ICE1: variants seen among roughly 807,000 people sequenced by gnomAD.
ICE1 encodes the protein little elongation complex subunit 1.
A neutral mutation model predicts 192.7 loss-of-function variants in ICE1; 64 were observed. The ratio of observed to expected loss-of-function variants is 0.33; its 90% CI spans 0.27 to 0.41. ICE1 has a LOEUF of 0.41. Ranked by LOEUF, ICE1 falls within the 10% of genes least tolerant of loss-of-function variation. The pLI, the probability that ICE1 is intolerant of heterozygous loss-of-function variation, is 1.00. For synonymous variants in ICE1, 1,010 were observed against 984.5 expected (o/e 1.03, Z -0.49); for missense variants, 2,708 against 2,696.0 (o/e 1.00, Z -0.10).
intron 1 of ICE1, among the ~76,000 whole-genome samples, chr5:5,424,415 G>A (rs895051105): frequency 2.0e-5 from 3 of 151,350 alleles, no homozygotes; most frequent in African/African-American, 7.3e-5. Context: ...CGTGATTGGA[G>A]TTCTCCCGAA....
In ICE1 at chr5:5,465,203, T is replaced by C. The variant is rs188801330; in HGVS notation, c.5869T>C (p.Tyr1957His). ...VMRDQEKEVV[Y>H]EFSTTKKHLA... is the part of the protein sequence containing the mutation. ...GAGAGATCAAGAGAAGGAAGTTGTT[T>C]ATGAATTTAGCACAACAAAAAAGGT... Residue 1957 changes from tyrosine to histidine, a missense_variant, in exon 13 of 19, where the codon TAT becomes CAT. Coordinates refer to ENST00000296564, the MANE Select transcript of ICE1 (RefSeq NM_015325.3). 6.4e-5 allele frequency: 101 copies of C among 1,582,838 alleles called. No homozygotes were observed. In the African/African-American group the frequency reaches 1.2e-3, roughly 19 times the overall value.
At chr5:5,451,639 A>C (rs1197083594) in intron 10 of ICE1, among the ~76,000 whole-genome samples, 1 of 152,184 alleles carries the variant, frequency 6.6e-6, no homozygotes, top group Non-Finnish European at 1.5e-5. Context: ...GACTCAGAAC[A>C]ATTGCTACAA....
rs781052316 is a variant in ICE1 at position 5,423,018 on chromosome 5, C to G, written c.84+19C>G. 1 of 1,355,540 alleles carries G rather than the reference C, an allele frequency of 7.4e-7. No homozygotes were observed. The allele number at this position is 1,355,540 out of a possible 1,614,324, so 84.0% of individuals were successfully genotyped here. A position where few individuals can be genotyped will look rare whatever the true frequency, so the allele number is the denominator to read the frequency against. On this transcript the variant is annotated intron_variant, in intron 1 of 18. Coordinates refer to ENST00000296564, the MANE Select transcript of ICE1 (RefSeq NM_015325.3). ...GCAGCAGGTGCAGCACCTCCCGGGG[C>G]CCCGGGCGCGGGGGGGGACTCGGCT...
intron 15 of ICE1, among the ~76,000 whole-genome samples, chr5:5,471,467 T>C (rs1739152871): frequency 6.6e-6 from 1 of 152,096 alleles, no homozygotes; most frequent in Non-Finnish European, 1.5e-5. Context: ...TTTCTAGTAA[T>C]AAAACCCAAT....
rs556543223 is a variant in ICE1 at position 5,465,030 on chromosome 5, A to G, written c.5696A>G (p.Gln1899Arg). Reference protein sequence around the residue: ...CSSPAVSAVSQLPLSPKETVE... With the variant: ...CSSPAVSAVSRLPLSPKETVE... ...AGTCCAGCCGTCAGTGCAGTTTCAC[A>G]GTTGCCTTTAAGCCCAAAAGAAACT... Residue 1899 changes from glutamine (Q) to arginine (R), a missense_variant, in exon 13 of 19, where the codon CAG becomes CGG. Gln to Arg is a conservative substitution (Grantham distance 43). Coordinates refer to ENST00000296564, the MANE Select transcript of ICE1 (RefSeq NM_015325.3). 1 of 1,613,986 alleles carries G rather than the reference A, an allele frequency of 6.2e-7. No homozygotes were observed. The highest frequency in any genetic ancestry group is 1.3e-5 in the African/African-American group (1 of 75,058).
intron 15 of ICE1, among the ~76,000 whole-genome samples, chr5:5,470,919 CAT>C (rs145990455): frequency 0.062 from 9,492 of 152,106 alleles, 385 homozygotes; most frequent in Non-Finnish European, 0.087. Flanking sequence ...TTTTGGAAAA[CAT>C]GTACTCATTA....
chr5:5,448,591 G>GT (rs1159951750), intron 10 of ICE1, among the ~76,000 whole-genome samples: 3 of 152,186 alleles, frequency 2.0e-5, no homozygotes, highest in East Asian at 1.9e-4. Context: ...TATCTCACAG[G>GT]TTTTTTGTGG....
At chr5:5,489,107 G>GAT (rs1739717821) in intron 18 of ICE1, 42 bp from the exon 19 acceptor site, 2 of 1,568,752 alleles carry the variant, frequency 1.3e-6, no homozygotes, top group African/African-American at 2.7e-5. Flanking sequence ...TTGAATAACA[G>GAT]ATATTTTCTT....
At chr5:5,443,818 C>T (rs1160211179) in intron 6 of ICE1, among the ~76,000 whole-genome samples, 1 of 152,196 alleles carries the variant, frequency 6.6e-6, no homozygotes, top group Non-Finnish European at 1.5e-5. Flanking sequence ...AGCAGTGACT[C>T]AGAGAGTTAT....
intron 17 of ICE1, among the ~76,000 whole-genome samples, chr5:5,481,257 G>C (rs556209543): frequency 1.2e-4 from 19 of 152,092 alleles, no homozygotes; most frequent in South Asian, 6.2e-4. Context: ...AAACAATATG[G>C]TATTTTTTTA....
chr5:5,434,894 G>A (rs1259939276), intron 1 of ICE1, among the ~76,000 whole-genome samples: 1 of 152,098 alleles, frequency 6.6e-6, no homozygotes, highest in Non-Finnish European at 1.5e-5. Context: ...TGAAAAAGGT[G>A]GAATACGTTT....
At chr5:5,452,588 C>T (rs1210322890) in intron 10 of ICE1, among the ~76,000 whole-genome samples, 1 of 151,992 alleles carries the variant, frequency 6.6e-6, no homozygotes, top group East Asian at 1.9e-4. Flanking sequence ...TGTAAAATTT[C>T]CCCAAATGTA....
At chr5:5,472,024 A>G (rs1328071010) in intron 15 of ICE1, among the ~76,000 whole-genome samples, 1 of 152,202 alleles carries the variant, frequency 6.6e-6, no homozygotes, top group Non-Finnish European at 1.5e-5. Context: ...TTATAAATCA[A>G]TTAATTGTTA....
At chr5:5,484,387 G>C (rs1456014835) in intron 17 of ICE1, among the ~76,000 whole-genome samples, 1 of 152,202 alleles carries the variant, frequency 6.6e-6, no homozygotes, top group Non-Finnish European at 1.5e-5. Flanking sequence ...AGCTGTGCTA[G>C]ATGTGCATCC....
At chr5:5,482,115 T>C (rs1739519001) in intron 17 of ICE1, among the ~76,000 whole-genome samples, 1 of 152,228 alleles carries the variant, frequency 6.6e-6, no homozygotes, top group South Asian at 2.1e-4. Flanking sequence ...AAGAATATGT[T>C]AATAGTTTAT....
intron 1 of ICE1, 33 bp from the exon 2 acceptor site, chr5:5,436,385 T>TA (rs746759329): frequency 1.4e-5 from 18 of 1,333,132 alleles, no homozygotes; most frequent in South Asian, 1.3e-4. Context: ...AAGTAATTGA[T>TA]AAAAAAGCTG....
intron 11 of ICE1, among the ~76,000 whole-genome samples, chr5:5,454,867 G>A (rs1738541001): frequency 6.6e-6 from 1 of 152,100 alleles, no homozygotes; most frequent in Non-Finnish European, 1.5e-5. Flanking sequence ...AAACGAGAAG[G>A]TCAAGTAGCA....
At chr5:5,489,035 C>T (rs951922159) in intron 18 of ICE1, 114 bp from the exon 19 acceptor site, 5 of 852,346 alleles carry the variant, frequency 5.9e-6, no homozygotes, top group South Asian at 3.5e-5. Context: ...ATTTAATTTT[C>T]ATTGCTGGCA....
At position 5,489,976 on chromosome 5, in the gene ICE1, T is replaced by A. The variant is rs961112387; in HGVS notation, c.*646T>A. ...GAAGAGTAGAAGTTCCCTTGCAGAT[T>A]TTTTTATCAGTGACATGTAATGAGC... On this transcript the variant is annotated 3_prime_UTR_variant, in exon 19 of 19. Transcript: ENST00000296564. 1.3e-5 allele frequency: 2 copies of A among 152,200 alleles called. No homozygotes were observed. The highest frequency in any genetic ancestry group is 4.8e-5 in the African/African-American group (2 of 41,410). 9.4% of individuals were successfully genotyped at this position (152,200 alleles called of 1,614,324 possible).
Sources: allele counts gnomAD v4.1 joint callset (sites outside exome capture counted in the v4.1 genomes callset), GRCh38; gene constraint gnomAD v4.1.1; transcripts MANE v1.5; gene names NCBI Gene and HGNC (gene_info 2026-07-23, HGNC 2026-07-21).